TEX36: variants seen among roughly 807,000 people sequenced by gnomAD.
TEX36 encodes testis expressed 36, also known as testis-expressed protein 36.
TEX36 carries 12 observed loss-of-function variants against 13.6 expected under a neutral mutation model. That is an observed-to-expected ratio of 0.88 (90% CI 0.56 to 1.43). The LOEUF (loss-of-function observed/expected upper bound fraction) is 1.43, where lower values mean the gene tolerates loss of function less well. Ranked by LOEUF, TEX36 falls within the 40% of genes most tolerant of loss-of-function variation. The pLI, the probability that TEX36 is intolerant of heterozygous loss-of-function variation, is 0.00. For synonymous variants in TEX36, 93 were observed against 83.0 expected (o/e 1.12, Z -0.65); for missense variants, 224 against 228.3 (o/e 0.98, Z 0.12).
chr10:125,580,446 C>T (rs1560749), intron 3 of TEX36, among the ~76,000 whole-genome samples: 30,772 of 152,144 alleles, frequency 0.2, 4,315 homozygotes, highest in African/African-American at 0.4. Context: ...AATACACCAG[C>T]TAGACAGGGC....
chr10:125,598,122 C>T (rs2133539321), intron 3 of TEX36, among the ~76,000 whole-genome samples: 1 of 152,250 alleles, frequency 6.6e-6, no homozygotes, highest in South Asian at 2.1e-4. Flanking sequence ...GGGCCACCTG[C>T]AAATATGATT....
chr10:125,602,560 T>G (rs1846163220), intron 3 of TEX36, among the ~76,000 whole-genome samples: 1 of 152,210 alleles, frequency 6.6e-6, no homozygotes, highest in South Asian at 2.1e-4. Context: ...CCCCGGCAGC[T>G]GTATTACTCT....
In TEX36 at chr10:125,642,378, C is replaced by T. The variant is rs75613102; in HGVS notation, c.264+18643G>A. Among the ~76,000 whole-genome samples the T allele has an allele frequency of 4.0e-3, 611 of 152,300 alleles. 11 individuals are homozygous for T. Among genetic ancestry groups the T allele is most frequent in the African/African-American group, 0.014 (581 of 41,556 alleles). On this transcript the variant is annotated intron_variant, in intron 3 of 3. Transcript: ENST00000526819. ...CCTGTTAAATGGCATTCTGTTAAAACCAACCACAACAAAAACAGTATCTCT... is the reference window on the plus strand; with the variant it reads ...CCTGTTAAATGGCATTCTGTTAAAATCAACCACAACAAAAACAGTATCTCT...
In TEX36 at chr10:125,673,757, C is replaced by T. The variant is rs549936956; in HGVS notation, c.51+9182G>A. On this transcript the variant is annotated intron_variant, in intron 1 of 3. Coordinates refer to ENST00000368821, the MANE Select transcript of TEX36 (RefSeq NM_001128202.3). ...AAGGTTGAATATTGACCCCCAGTCT[C>T]TTCTGGCTTGTAGGGTTTCTGCTGA... Among the ~76,000 whole-genome samples, 180 of 148,156 alleles carry T rather than the reference C, an allele frequency of 1.2e-3. 1 individual carries two copies. The highest frequency in any genetic ancestry group is 4.2e-3 in the African/African-American group (171 of 40,470).
intron 1 of TEX36, among the ~76,000 whole-genome samples, chr10:125,662,577 A>G (rs1181705673): frequency 6.6e-6 from 1 of 152,158 alleles, no homozygotes; most frequent in Non-Finnish European, 1.5e-5. Flanking sequence ...GCAATCTCCC[A>G]ACAAAAGCCT....
intron 3 of TEX36, among the ~76,000 whole-genome samples, chr10:125,657,287 C>T (rs1301368908): frequency 1.3e-5 from 2 of 152,054 alleles, no homozygotes; most frequent in African/African-American, 2.4e-5. Context: ...TGTCTACATA[C>T]GTGTGGGTGT....
chr10:125,611,134 T>C (rs940378695), intron 3 of TEX36, among the ~76,000 whole-genome samples: 7 of 152,250 alleles, frequency 4.6e-5, no homozygotes, highest in African/African-American at 1.4e-4. Flanking sequence ...TTTATTTTGT[T>C]AGACAGTTAT....
In TEX36 at chr10:125,661,960, T is replaced by C. The variant is rs1180044986; in HGVS notation, c.69A>G (p.Leu23=). 1 of 1,552,396 alleles carries C rather than the reference T, an allele frequency of 6.4e-7. No individual in the cohort carries two copies. The highest frequency in any genetic ancestry group is 8.7e-7 in the Non-Finnish European group (1 of 1,147,146). ...KDGRWFPHIG[L]TQKTPESITS... ...TGATGGATTCTGGTGTCTTTTGCGT[T>C]AGCCCGATGTGAGGGAACTGGAAGA... The change falls in exon 2 of 4, where the codon CTA becomes CTG. Residue 23 remains leucine, a synonymous_variant. Transcript: ENST00000368821.
chr10:125,618,941 CT>C (rs1328497141), downstream of TEX36, among the ~76,000 whole-genome samples: 2 of 42,064 alleles, frequency 4.8e-5, no homozygotes, highest in East Asian at 6.3e-4. Flanking sequence ...CCCGTCTCTA[CT>C]AAAAAAAAAA....
chr10:125,605,076 T>C (rs992811334), intron 3 of TEX36, among the ~76,000 whole-genome samples: 1 of 152,150 alleles, frequency 6.6e-6, no homozygotes, highest in African/African-American at 2.4e-5. Context: ...ACAAAACTGG[T>C]CCCTGGTGCC....
At chr10:125,661,743 G>T in intron 2 of TEX36, 103 bp downstream of exon 2, 1 of 1,436,884 alleles carries the variant, frequency 7.0e-7, no homozygotes, top group Non-Finnish European at 9.4e-7. Flanking sequence ...TAGTAAATGC[G>T]CAGTTTCTTA....
In TEX36 at chr10:125,642,401, T is replaced by A. The variant is rs570007698; in HGVS notation, c.264+18620A>T. On this transcript the variant is annotated intron_variant, in intron 3 of 3. Transcript: ENST00000526819. ...AACCAACCACAACAAAAACAGTATC[T>A]CTTTGACACAGAGGACAGGAGAGAA... Among the ~76,000 whole-genome samples the A allele has an allele frequency of 1.4e-3, 211 of 152,264 alleles. 1 individual carries two copies. Among genetic ancestry groups the A allele is most frequent in the African/African-American group, 4.8e-3 (200 of 41,556 alleles).
In TEX36 at chr10:125,669,573, A is replaced by T. The variant is rs530229119; in HGVS notation, c.52-7596T>A. 1.9e-4 allele frequency among the ~76,000 whole-genome samples: 29 copies of T among 152,182 alleles called. No homozygotes were observed. The South Asian group carries it at 5.2e-3, about 27-fold the overall frequency. On this transcript the variant is annotated intron_variant, in intron 1 of 3. Transcript: ENST00000368821. ...TTTCATTTGTTTTAAGAATTTTTTAAATTTTTATCTTTTTAAAATTTATTT... is the reference window on the plus strand; with the variant it reads ...TTTCATTTGTTTTAAGAATTTTTTATATTTTTATCTTTTTAAAATTTATTT...
intron 3 of TEX36, among the ~76,000 whole-genome samples, chr10:125,647,795 A>C (rs1846793528): frequency 6.6e-6 from 1 of 151,998 alleles, no homozygotes; most frequent in African/African-American, 2.4e-5. Context: ...AAATCGGGAC[A>C]CTCCCACCAT....
chr10:125,595,937 T>C (rs1846077652), intron 3 of TEX36, among the ~76,000 whole-genome samples: 1 of 152,262 alleles, frequency 6.6e-6, no homozygotes, highest in South Asian at 2.1e-4. Context: ...GCCTGACACA[T>C]TGCTGATGCT....
chr10:125,636,579 C>T (rs1846626428), intron 3 of TEX36, among the ~76,000 whole-genome samples: 2 of 152,176 alleles, frequency 1.3e-5, no homozygotes, highest in Middle Eastern at 3.4e-3. Flanking sequence ...ATTTTGATAC[C>T]TTCATAAAAG....
rs150486628 is a variant in TEX36 at position 125,584,924 on chromosome 10, T to C, written c.265-8050A>G. Among the ~76,000 whole-genome samples, 58 of 152,334 alleles carry C rather than the reference T, an allele frequency of 3.8e-4. 1 individual carries two copies. Among genetic ancestry groups the C allele is most frequent in the African/African-American group, 1.3e-3 (55 of 41,574 alleles). Reference sequence around the variant, plus strand: ...AACATCTGCTGTTTCATGGACCCAATACAAATGTTTCTTCATGTCATAGAT... The same window carrying C: ...AACATCTGCTGTTTCATGGACCCAACACAAATGTTTCTTCATGTCATAGAT... On this transcript the variant is annotated intron_variant, in intron 3 of 3. Transcript: ENST00000532135.
chr10:125,588,702 C>T (rs1446715757), intron 3 of TEX36, among the ~76,000 whole-genome samples: 1 of 152,208 alleles, frequency 6.6e-6, no homozygotes, highest in East Asian at 1.9e-4. Flanking sequence ...GCAAACTCCG[C>T]CTCCCGGGTT....
downstream of TEX36, among the ~76,000 whole-genome samples, chr10:125,620,304 A>T (rs297255): frequency 6.6e-6 from 1 of 152,076 alleles, no homozygotes; most frequent in African/African-American, 2.4e-5. Context: ...TCATTTTGTC[A>T]AGAGAAATGG....
Sources: allele counts gnomAD v4.1 joint callset (sites outside exome capture counted in the v4.1 genomes callset), GRCh38; gene constraint gnomAD v4.1.1; transcripts MANE v1.5; gene names NCBI Gene and HGNC (gene_info 2026-07-23, HGNC 2026-07-21).